Variants in TACR3 observed in about 807,000 individuals in gnomAD.
TACR3 encodes the protein tachykinin receptor 3.
Under a neutral mutation model 35.0 loss-of-function variants are expected in TACR3, and 34 were observed. That is an observed-to-expected ratio of 0.97 (90% confidence interval 0.74 to 1.30). The LOEUF (loss-of-function observed/expected upper bound fraction) is 1.30. Among genes scored for constraint, TACR3 ranks in the 50% most tolerant of loss-of-function variants. The pLI is 0.00. For missense variants in TACR3, 558 were observed against 591.7 expected (o/e 0.94, Z 0.59); for synonymous variants, 233 against 221.1 (o/e 1.05, Z -0.48).
chr4:103,702,287 G>A (rs1346470908), intron 1 of TACR3, among the ~76,000 whole-genome samples: 1 of 152,092 alleles, frequency 6.6e-6, no homozygotes, highest in African/African-American at 2.4e-5. Context: ...GCAGCCAAAA[G>A]ACACATGAAA....
chr4:103,620,298 A>G (rs1329153346), intron 3 of TACR3, among the ~76,000 whole-genome samples: 2 of 152,220 alleles, frequency 1.3e-5, no homozygotes, highest in East Asian at 3.8e-4. Context: ...GGGCTTAAAC[A>G]CTATTGGTAG....
At chr4:103,695,876 T>C (rs1407050803) in intron 1 of TACR3, among the ~76,000 whole-genome samples, 2 of 152,184 alleles carry the variant, frequency 1.3e-5, no homozygotes, top group Non-Finnish European at 2.9e-5. Context: ...ACAAATTATT[T>C]CAGAATCCAC....
intron 1 of TACR3, among the ~76,000 whole-genome samples, chr4:103,695,530 A>C (rs1205140822): frequency 6.6e-6 from 1 of 152,188 alleles, no homozygotes; most frequent in Non-Finnish European, 1.5e-5. Flanking sequence ...ACAGTATATA[A>C]TACATATAAC....
intron 1 of TACR3, among the ~76,000 whole-genome samples, chr4:103,714,512 T>C (rs1285870927): frequency 6.6e-6 from 1 of 152,188 alleles, no homozygotes; most frequent in East Asian, 1.9e-4. Context: ...CAAACAGTTA[T>C]GATAAGTTTC....
Position 103,589,540 on chromosome 4 carries a change from C to G in TACR3, c.*142G>C. On this transcript the variant is annotated 3_prime_UTR_variant, in exon 5 of 5. Transcript: ENST00000304883. ...TGTCTTTGTCACATTTATACACTAC[C>G]TTTCTCAATTTGACCATAGCTGCCT... The G allele has an allele frequency of 1.2e-6, 1 of 840,700 alleles. No individual in the cohort carries two copies. The highest frequency in any genetic ancestry group is 1.9e-6 in the Non-Finnish European group (1 of 529,562). The allele number at this position is 840,700 out of a possible 1,614,324, so 52.1% of individuals were successfully genotyped here. A position where few individuals can be genotyped will look rare whatever the true frequency, so the allele number is the denominator to read the frequency against.
chr4:103,694,382 A>G (rs1010450914), intron 1 of TACR3, among the ~76,000 whole-genome samples: 4 of 144,304 alleles, frequency 2.8e-5, no homozygotes, highest in Non-Finnish European at 5.9e-5. Context: ...CAACCCAGCC[A>G]TTGTTGAGAC....
intron 1 of TACR3, among the ~76,000 whole-genome samples, chr4:103,705,705 A>G (rs1359486955): frequency 3.3e-5 from 5 of 152,186 alleles, no homozygotes; most frequent in Non-Finnish European, 7.4e-5. Context: ...GAGTACATTT[A>G]GCTAATGAGG....
At chr4:103,643,523 G>C (rs773345384) in intron 3 of TACR3, among the ~76,000 whole-genome samples, 71 of 151,560 alleles carry the variant, frequency 4.7e-4, no homozygotes, top group Non-Finnish European at 9.7e-4. Context: ...CAGTTGTTTT[G>C]CATTCTGTAG....
At chr4:103,649,201 G>A (rs1006264581) in intron 3 of TACR3, among the ~76,000 whole-genome samples, 10 of 151,868 alleles carry the variant, frequency 6.6e-5, no homozygotes, top group African/African-American at 2.4e-4. Flanking sequence ...TTGTCAGATG[G>A]GGAGATTGCA....
At chr4:103,628,427 G>A (rs900443422) in intron 3 of TACR3, among the ~76,000 whole-genome samples, 2 of 152,102 alleles carry the variant, frequency 1.3e-5, no homozygotes, top group African/African-American at 4.8e-5. Context: ...AGAAAAGGGA[G>A]AGGAATCAAA....
At chr4:103,594,654 T>C (rs1309761515) in intron 3 of TACR3, among the ~76,000 whole-genome samples, 1 of 152,200 alleles carries the variant, frequency 6.6e-6, no homozygotes, top group Non-Finnish European at 1.5e-5. Flanking sequence ...GAAAACCTAC[T>C]AAGGCTATCA....
intron 3 of TACR3, among the ~76,000 whole-genome samples, chr4:103,621,557 C>G (rs947885083): frequency 2.0e-5 from 3 of 151,978 alleles, no homozygotes; most frequent in African/African-American, 7.3e-5. Context: ...GGAGAAAAGG[C>G]TTAGGAAAGA....
At chr4:103,647,293 T>A (rs543101938) in intron 3 of TACR3, among the ~76,000 whole-genome samples, 3 of 152,034 alleles carry the variant, frequency 2.0e-5, no homozygotes, top group Admixed American at 6.6e-5. Flanking sequence ...TTTTAGCCAA[T>A]GTTTTAATAG....
intron 1 of TACR3, among the ~76,000 whole-genome samples, chr4:103,701,682 G>A (rs1375857841): frequency 6.6e-6 from 1 of 152,080 alleles, no homozygotes; most frequent in Non-Finnish European, 1.5e-5. Flanking sequence ...AAACAGCATG[G>A]TACTGGTACC....
chr4:103,629,845 C>CAAAAAAAAAAAAAAAAAAAAAA (rs1487546451), intron 3 of TACR3, among the ~76,000 whole-genome samples: 1 of 59,552 alleles, frequency 1.7e-5, no homozygotes. Context: ...CAATCCTAAG[C>CAAAAAAAAAAAAAAAAAAAAAA]AAAACAAAAA....
intron 1 of TACR3, among the ~76,000 whole-genome samples, chr4:103,687,446 GA>G (rs1384363324): frequency 2.0e-5 from 3 of 152,112 alleles, no homozygotes; most frequent in African/African-American, 7.2e-5. Context: ...AGGAAAAGAG[GA>G]AGTCAAATTG....
rs1477106543 is a variant in TACR3 at position 103,587,169 on chromosome 4, C to T, written c.*2513G>A. 4 of 151,992 alleles carry T rather than the reference C, an allele frequency of 2.6e-5. No individual in the cohort carries two copies. The highest frequency in any genetic ancestry group is 4.4e-5 in the Non-Finnish European group (3 of 68,002). The allele number at this position is 151,992 out of a possible 1,614,324, so 9.4% of individuals were successfully genotyped here. On this transcript the variant is annotated 3_prime_UTR_variant, in exon 5 of 5. Transcript: ENST00000304883. ...GATGACTTTATTTAAAAATGAATCTCACTGAATTTGATTTTGTGCATTATT... is the reference window on the plus strand; with the variant it reads ...GATGACTTTATTTAAAAATGAATCTTACTGAATTTGATTTTGTGCATTATT...
At position 103,603,008 on chromosome 4, in the gene TACR3, C is replaced by A. The variant is rs575844444; in HGVS notation, c.889-11325G>T. 2.0e-4 allele frequency among the ~76,000 whole-genome samples: 30 copies of A among 152,360 alleles called. 1 individual carries two copies. Among genetic ancestry groups the A allele is most frequent in the Admixed American group, 5.2e-4 (8 of 15,310 alleles). ...AAGAGGTGGAGCCTACAGAGGCAGGCAGGCCTCCTTGAGCTGTGGTGGGCT... is the reference window on the plus strand; with the variant it reads ...AAGAGGTGGAGCCTACAGAGGCAGGAAGGCCTCCTTGAGCTGTGGTGGGCT... On this transcript the variant is annotated intron_variant, in intron 3 of 4. Coordinates refer to ENST00000304883, the MANE Select transcript of TACR3 (RefSeq NM_001059.3).
intron 3 of TACR3, among the ~76,000 whole-genome samples, chr4:103,625,584 T>TG (rs1724870395): frequency 6.8e-6 from 1 of 147,968 alleles, no homozygotes; most frequent in Non-Finnish European, 1.5e-5. Context: ...GAGTAGGGGG[T>TG]GGGGGGTTGT....
Sources: gnomAD v4.1 joint callset for allele counts (sites outside exome capture counted in the v4.1 genomes callset) on GRCh38, gnomAD v4.1.1 for gene constraint, MANE v1.5 for transcripts, NCBI Gene and HGNC (gene_info 2026-07-23, HGNC 2026-07-21) for gene names.